Variants in HS3ST4 observed in about 807,000 individuals in gnomAD.
HS3ST4 encodes heparan sulfate glucosamine 3-O-sulfotransferase 4.
A neutral mutation model predicts 29.2 loss-of-function variants in HS3ST4; 17 were observed. The ratio of observed to expected loss-of-function variants is 0.58; its 90% CI spans 0.40 to 0.87. The LOEUF is 0.87. Ranked by LOEUF, HS3ST4 falls within the 40% of genes least tolerant of loss-of-function variation. The pLI, the probability that HS3ST4 is intolerant of heterozygous loss-of-function variation, is 0.00. For synonymous variants in HS3ST4, 314 were observed against 285.7 expected, an observed-to-expected ratio of 1.10 and a Z score of -1.00; for missense variants, 627 against 634.5, an observed-to-expected ratio of 0.99 and a Z score of 0.13.
rs111843796 is a variant in HS3ST4 at position 26,055,981 on chromosome 16, T to C, written c.735-79631T>C. ...TCCTCAGGGTATAAACACAACACCATACCTGACCGGCTGGATTTACATCAT... is the reference window on the plus strand; with the variant it reads ...TCCTCAGGGTATAAACACAACACCACACCTGACCGGCTGGATTTACATCAT... On this transcript the variant is annotated intron_variant, in intron 1 of 1. Coordinates refer to ENST00000331351, the MANE Select transcript of HS3ST4 (RefSeq NM_006040.3). 6.8e-3 allele frequency among the ~76,000 whole-genome samples: 1,023 copies of C among 151,278 alleles called. 13 individuals are homozygous for C. The highest frequency in any genetic ancestry group is 0.023 in the African/African-American group (950 of 41,196).
At chr16:25,863,370 T>C (rs546899103) in intron 1 of HS3ST4, among the ~76,000 whole-genome samples, 70 of 152,192 alleles carry the variant, frequency 4.6e-4, no homozygotes, top group Non-Finnish European at 8.2e-4. Context: ...CATGAGCCAC[T>C]GTGCCTGGCC....
At chr16:26,029,107 C>G (rs1042677781) in intron 1 of HS3ST4, 1 of 152,212 alleles carries the variant, frequency 6.6e-6, no homozygotes, top group Admixed American at 6.5e-5. Flanking sequence ...CACAGTCATT[C>G]ATGAATTCTG....
intron 1 of HS3ST4, among the ~76,000 whole-genome samples, chr16:25,906,046 A>T (rs1968176431): frequency 2.0e-5 from 3 of 152,202 alleles, no homozygotes; most frequent in African/African-American, 7.2e-5. Flanking sequence ...GCGACTGTAA[A>T]GGTCTTTTAA....
intron 1 of HS3ST4, among the ~76,000 whole-genome samples, chr16:25,989,272 G>T (rs1489823377): frequency 6.6e-6 from 1 of 152,196 alleles, no homozygotes; most frequent in African/African-American, 2.4e-5. Flanking sequence ...TACATAAAGA[G>T]GCAGCTTTAG....
chr16:25,773,897 C>T (rs926575379), intron 1 of HS3ST4, among the ~76,000 whole-genome samples: 1 of 152,052 alleles, frequency 6.6e-6, no homozygotes, highest in African/African-American at 2.4e-5. Flanking sequence ...AGTGACCTGT[C>T]CCTTTAAACC....
chr16:25,987,780 T>G (rs1371906809), intron 1 of HS3ST4, among the ~76,000 whole-genome samples: 1 of 152,170 alleles, frequency 6.6e-6, no homozygotes, highest in Non-Finnish European at 1.5e-5. Flanking sequence ...TAATTGATTT[T>G]TTTTTTTGAG....
At chr16:25,731,662 T>C (rs546253952) in intron 1 of HS3ST4, among the ~76,000 whole-genome samples, 4 of 152,208 alleles carry the variant, frequency 2.6e-5, no homozygotes, top group South Asian at 4.2e-4. Flanking sequence ...TCTTATGAGG[T>C]AGGATATTCC....
intron 1 of HS3ST4, among the ~76,000 whole-genome samples, chr16:25,844,319 A>G (rs2141646294): frequency 6.6e-6 from 1 of 152,324 alleles, no homozygotes; most frequent in East Asian, 1.9e-4. Flanking sequence ...TCATTCAACT[A>G]GAAATTTATT....
At chr16:25,883,340 A>T (rs183904646) in intron 1 of HS3ST4, among the ~76,000 whole-genome samples, 30 of 151,760 alleles carry the variant, frequency 2.0e-4, no homozygotes, top group African/African-American at 7.3e-4. Context: ...TGAACCTCAA[A>T]GGCCAAGTAC....
chr16:26,125,928 G>A lies in HS3ST4; in HGVS notation c.735-9684G>A, dbSNP rs373216291. Among the ~76,000 whole-genome samples the A allele has an allele frequency of 6.1e-4, 93 of 152,300 alleles. No individual in the cohort carries two copies. The South Asian group carries it at 8.5e-3, about 14-fold the overall frequency. ...AAATTATAATTTCCAACTTCATCTGGATACTCAGTGTATTTTGCTAGTTAT... is the reference window on the plus strand; with the variant it reads ...AAATTATAATTTCCAACTTCATCTGAATACTCAGTGTATTTTGCTAGTTAT... On this transcript the variant is annotated intron_variant, in intron 1 of 1. Transcript: ENST00000331351.
chr16:26,076,837 T>A (rs1246527635), intron 1 of HS3ST4, among the ~76,000 whole-genome samples: 1 of 152,214 alleles, frequency 6.6e-6, no homozygotes, highest in Admixed American at 6.5e-5. Flanking sequence ...TCATGCACAT[T>A]TTCTTTCAGC....
intron 1 of HS3ST4, among the ~76,000 whole-genome samples, chr16:25,801,916 T>C (rs1966939505): frequency 6.6e-6 from 1 of 152,042 alleles, no homozygotes. Flanking sequence ...TCTTGGATTT[T>C]ATACTTAAAT....
At chr16:25,868,305 T>TA (rs1967716061) in intron 1 of HS3ST4, among the ~76,000 whole-genome samples, 1 of 151,632 alleles carries the variant, frequency 6.6e-6, no homozygotes, top group Non-Finnish European at 1.5e-5. Flanking sequence ...AGCTGCTTTT[T>TA]AAAAAAAAGC....
intron 1 of HS3ST4, among the ~76,000 whole-genome samples, chr16:26,096,126 C>G (rs994489716): frequency 6.6e-6 from 1 of 152,088 alleles, no homozygotes; most frequent in Non-Finnish European, 1.5e-5. Context: ...CAAAAAAGTC[C>G]AGGACCAGAC....
intron 1 of HS3ST4, among the ~76,000 whole-genome samples, chr16:25,993,325 G>C (rs11644086): frequency 0.18 from 27,842 of 152,050 alleles, 2,645 homozygotes; most frequent in South Asian, 0.22. Context: ...GGAACTACTA[G>C]TGAAATAATG....
At chr16:25,755,373 G>T (rs1312591203) in intron 1 of HS3ST4, among the ~76,000 whole-genome samples, 2 of 152,208 alleles carry the variant, frequency 1.3e-5, no homozygotes, top group Non-Finnish European at 2.9e-5. Flanking sequence ...TTCCGGGCAT[G>T]CTTTGGAGAA....
intron 1 of HS3ST4, among the ~76,000 whole-genome samples, chr16:25,967,443 C>T (rs1218107742): frequency 6.6e-6 from 1 of 152,180 alleles, no homozygotes; most frequent in African/African-American, 2.4e-5. Flanking sequence ...CGTGAGCCAC[C>T]GCGCCTGGCC....
intron 1 of HS3ST4, among the ~76,000 whole-genome samples, chr16:25,702,404 G>A (rs1596547790): frequency 6.6e-6 from 1 of 152,178 alleles, no homozygotes; most frequent in African/African-American, 2.4e-5. Flanking sequence ...AAATAACTAG[G>A]AATAAATTTA....
intron 1 of HS3ST4, among the ~76,000 whole-genome samples, chr16:26,113,084 A>G (rs1899152895): frequency 6.6e-6 from 1 of 152,236 alleles, no homozygotes; most frequent in African/African-American, 2.4e-5. Flanking sequence ...TGCCATAGTC[A>G]CACAATGGAT....
Sources: allele counts gnomAD v4.1 joint callset (sites outside exome capture counted in the v4.1 genomes callset), GRCh38; gene constraint gnomAD v4.1.1; transcripts MANE v1.5; gene names NCBI Gene and HGNC (gene_info 2026-07-23, HGNC 2026-07-21).